The following ATF2 variants were observed in gnomAD, a reference collection of about 807,000 sequenced individuals.
ATF2 encodes the protein cyclic AMP-dependent transcription factor ATF-2.
Under a neutral mutation model 60.6 loss-of-function variants are expected in ATF2, and 24 were observed. The observed-to-expected ratio is 0.40, with a 90% confidence interval of 0.29 to 0.56. ATF2 has a LOEUF of 0.56. ATF2 is among the 20% of genes least tolerant of loss of function. The pLI is 0.54. For synonymous variants in ATF2, 206 were observed against 215.4 expected (o/e 0.96, Z 0.38); for missense variants, 433 against 607.7 (o/e 0.71, Z 3.02).
chr2:175,076,812 T>C (rs1153691), intron 13 of ATF2, among the ~76,000 whole-genome samples: 14,317 of 152,050 alleles, frequency 0.094, 720 homozygotes, highest in Middle Eastern at 0.17. Context: ...TTTTAAAAAT[T>C]ATACTTTAAG....
At chr2:175,116,660 T>TA (rs35871902) in intron 7 of ATF2, among the ~76,000 whole-genome samples, 8 of 151,536 alleles carry the variant, frequency 5.3e-5, no homozygotes, top group Non-Finnish European at 7.4e-5. Flanking sequence ...TTTTTTTTTT[T>TA]AAATCAATTT....
chr2:175,121,759 T>A (rs1696970891), intron 4 of ATF2, among the ~76,000 whole-genome samples: 1 of 151,414 alleles, frequency 6.6e-6, no homozygotes, highest in Admixed American at 6.6e-5. Context: ...ACTGATATAT[T>A]GCTAGGTCAC....
At chr2:175,099,334 C>G (rs991370911) in intron 10 of ATF2, among the ~76,000 whole-genome samples, 7 of 152,062 alleles carry the variant, frequency 4.6e-5, no homozygotes, top group African/African-American at 1.7e-4. Flanking sequence ...GAACTCCTGA[C>G]CTCAAGTGAT....
At chr2:175,112,774 G>C (rs557187147) in intron 9 of ATF2, among the ~76,000 whole-genome samples, 36 of 151,966 alleles carry the variant, frequency 2.4e-4, no homozygotes, top group African/African-American at 8.0e-4. Context: ...TTGTAGAGAT[G>C]GGGTTTTGCC....
chr2:175,077,716 G>A (rs774187417), intron 13 of ATF2, among the ~76,000 whole-genome samples: 1 of 152,198 alleles, frequency 6.6e-6, no homozygotes, highest in Admixed American at 6.5e-5. Flanking sequence ...TCTTTAAGCA[G>A]TACAAAGAAT....
At chr2:175,110,248 T>C (rs559679400) in intron 10 of ATF2, among the ~76,000 whole-genome samples, 164 of 152,158 alleles carry the variant, frequency 1.1e-3, no homozygotes, top group African/African-American at 3.5e-3. Flanking sequence ...GGCAGGAGAA[T>C]TGCTTGAACC....
intron 10 of ATF2, among the ~76,000 whole-genome samples, chr2:175,109,659 T>C (rs1024070238): frequency 6.6e-6 from 1 of 152,346 alleles, no homozygotes; most frequent in East Asian, 1.9e-4. Context: ...AAAATACTTT[T>C]AGATGCAGTA....
intron 1 of ATF2, among the ~76,000 whole-genome samples, chr2:175,151,606 T>C (rs1474322540): frequency 6.6e-6 from 1 of 152,182 alleles, no homozygotes; most frequent in Non-Finnish European, 1.5e-5. Flanking sequence ...GTCTATGTGC[T>C]TATTTGGAAA....
At chr2:175,117,649 A>C (rs1696671754) in intron 7 of ATF2, among the ~76,000 whole-genome samples, 1 of 152,024 alleles carries the variant, frequency 6.6e-6, no homozygotes, top group Non-Finnish European at 1.5e-5. Flanking sequence ...CCACTGTTCA[A>C]ATAATTTTTT....
chr2:175,137,251 T>G (rs1454218886), intron 2 of ATF2, among the ~76,000 whole-genome samples: 1 of 152,102 alleles, frequency 6.6e-6, no homozygotes, highest in African/African-American at 2.4e-5. Context: ...GTATAGGAAA[T>G]AAGAAGAGAG....
In ATF2 at chr2:175,136,568, ACT is replaced by A. The variant is rs373561025; in HGVS notation, c.-43-84_-43-83del. Reference sequence around the variant, plus strand: ...CAGTAGAAAATAAAGTGCTCAAATTACTCTCTGTAACACTACTGTCACCCCAA... The same window carrying A: ...CAGTAGAAAATAAAGTGCTCAAATTACTCTGTAACACTACTGTCACCCCAA... On this transcript the variant is annotated intron_variant, in intron 2 of 13. Coordinates refer to ENST00000264110, the MANE Select transcript of ATF2 (RefSeq NM_001880.4). 31 of 861,132 alleles carry A rather than the reference ACT, an allele frequency of 3.6e-5. No homozygotes were observed. The South Asian group carries it at 4.3e-4, about 12-fold the overall frequency. 53.3% of individuals were successfully genotyped at this position (861,132 alleles called of 1,614,324 possible).
At chr2:175,135,805 G>C (rs1400006170) in intron 3 of ATF2, among the ~76,000 whole-genome samples, 3 of 152,022 alleles carry the variant, frequency 2.0e-5, no homozygotes, top group Non-Finnish European at 4.4e-5. Flanking sequence ...CCATCAACTT[G>C]TTTTCTTTCT....
At chr2:175,080,445 G>A (rs937364436) in intron 13 of ATF2, 2 of 358,268 alleles carry the variant, frequency 5.6e-6, no homozygotes, top group Admixed American at 8.9e-5. Flanking sequence ...CTATAGTAAC[G>A]CTTAGGAAAA....
intron 3 of ATF2, among the ~76,000 whole-genome samples, chr2:175,131,597 T>G (rs1697732845): frequency 6.6e-6 from 1 of 152,226 alleles, no homozygotes. Context: ...CCTCATGATA[T>G]CTGCGATTTA....
At chr2:175,085,561 C>T (rs1192166184) in intron 12 of ATF2, among the ~76,000 whole-genome samples, 1 of 96,404 alleles carries the variant, frequency 1.0e-5, no homozygotes, top group Non-Finnish European at 2.5e-5. Flanking sequence ...CATACACACA[C>T]ACACACACAC....
chr2:175,146,817 T>A (rs909708310), intron 2 of ATF2, among the ~76,000 whole-genome samples: 1 of 152,188 alleles, frequency 6.6e-6, no homozygotes, highest in African/African-American at 2.4e-5. Flanking sequence ...ATAGCATGTA[T>A]AGGGCTCAGT....
At chr2:175,100,374 T>A (rs926692867) in intron 10 of ATF2, among the ~76,000 whole-genome samples, 1 of 152,228 alleles carries the variant, frequency 6.6e-6, no homozygotes, top group African/African-American at 2.4e-5. Context: ...TCAGGATAGT[T>A]CCTATGTTTC....
At chr2:175,135,931 G>A (rs1244477315) in intron 3 of ATF2, among the ~76,000 whole-genome samples, 2 of 151,852 alleles carry the variant, frequency 1.3e-5, no homozygotes, top group African/African-American at 2.4e-5. Context: ...ACATTTCAAC[G>A]GGGATGTCAG....
At position 175,072,489 on chromosome 2, in the gene ATF2, C is replaced by T. The variant is rs1027363513; in HGVS notation, c.*2120G>A. ...TGAAAGTTTTGCTAACCTTGGTAAG[C>T]TTGTTAACCGTTTACATGACTTCTT... On this transcript the variant is annotated 3_prime_UTR_variant, in exon 14 of 14. Transcript: ENST00000264110. 9.2e-5 allele frequency: 14 copies of T among 152,234 alleles called. No individual in the cohort carries two copies. The highest frequency in any genetic ancestry group is 3.4e-3 in the Middle Eastern group (1 of 292). The allele number at this position is 152,234 out of a possible 1,614,324, so 9.4% of individuals were successfully genotyped here. A position where few individuals can be genotyped will look rare whatever the true frequency, so the allele number is the denominator to read the frequency against.
Sources: gnomAD v4.1 joint callset for allele counts (sites outside exome capture counted in the v4.1 genomes callset) on GRCh38, gnomAD v4.1.1 for gene constraint, MANE v1.5 for transcripts, NCBI Gene and HGNC (gene_info 2026-07-23, HGNC 2026-07-21) for gene names.